The following NAALADL2 variants were observed in gnomAD, a reference collection of about 807,000 sequenced individuals.
NAALADL2 encodes the protein inactive N-acetylated-alpha-linked acidic dipeptidase-like protein 2.
NAALADL2 carries 76 observed loss-of-function variants against 87.2 expected under a neutral mutation model. That is an observed-to-expected ratio of 0.87 (90% CI 0.72 to 1.05). NAALADL2 has a LOEUF of 1.05. NAALADL2 is among the 50% of genes least tolerant of loss of function. NAALADL2 has a pLI of 0.00. For missense variants in NAALADL2, 1,089 were observed against 945.8 expected, an observed-to-expected ratio of 1.15 and a Z score of -1.99; for synonymous variants, 354 against 331.0, an observed-to-expected ratio of 1.07 and a Z score of -0.75.
rs1393610814 is a variant in NAALADL2 at position 175,151,506 on chromosome 3, AGTTTAATT to A, written c.545+54220_545+54227del. 2.0e-5 allele frequency among the ~76,000 whole-genome samples: 3 copies of A among 152,320 alleles called. No homozygotes were observed. In the East Asian group the frequency reaches 5.8e-4, roughly 29 times the overall value. On this transcript the variant is annotated intron_variant, in intron 2 of 13. Coordinates refer to ENST00000454872, the MANE Select transcript of NAALADL2 (RefSeq NM_207015.3). The stretch of plus-strand genomic sequence containing the variant: ...AATTGTCTTTTAATTCATAGCAAAT[AGTTTAATT>A]GTTTTCTAAAGGGTGAACTGTCATG...
At chr3:175,601,246 T>C (rs925244925) in intron 10 of NAALADL2, among the ~76,000 whole-genome samples, 4 of 152,192 alleles carry the variant, frequency 2.6e-5, no homozygotes, top group Non-Finnish European at 4.4e-5. Flanking sequence ...TTTAAACTAA[T>C]TAAAATGGAA....
At chr3:175,783,459 T>C (rs2150224283) in intron 13 of NAALADL2, among the ~76,000 whole-genome samples, 1 of 151,714 alleles carries the variant, frequency 6.6e-6, no homozygotes, top group South Asian at 2.1e-4. Flanking sequence ...TTTTATTCTC[T>C]TGGAAGCAAT....
At chr3:174,858,814 T>C (rs1726139065), upstream of NAALADL2, among the ~76,000 whole-genome samples, 1 of 151,952 alleles carries the variant, frequency 6.6e-6, no homozygotes, top group South Asian at 2.1e-4. Context: ...ATACTAGATA[T>C]TATTCTATTT....
rs1451329870 is a variant in NAALADL2, at chr3:174,918,934, A to G, written c.43+59484A>G. ...TGTTCAGATCGGGACCACTAGAATA[A>G]AGCAAATATTACAATAAAGCAAGTC... On this transcript the variant is annotated intron_variant, in intron 1 of 13. Coordinates refer to ENST00000454872, the MANE Select transcript of NAALADL2 (RefSeq NM_207015.3). Among the ~76,000 whole-genome samples the G allele has an allele frequency of 2.6e-5, 4 of 151,980 alleles. No homozygotes were observed. In the East Asian group the frequency reaches 7.7e-4, roughly 29 times the overall value.
At chr3:175,595,001 T>C (rs1055108689) in intron 10 of NAALADL2, among the ~76,000 whole-genome samples, 2 of 152,172 alleles carry the variant, frequency 1.3e-5, no homozygotes, top group Admixed American at 1.3e-4. Flanking sequence ...CTCTTTAGTT[T>C]AACTGGCTCC....
intron 2 of NAALADL2, among the ~76,000 whole-genome samples, chr3:174,639,549 C>T (rs1386187319): frequency 2.0e-5 from 3 of 152,114 alleles, no homozygotes; most frequent in Non-Finnish European, 4.4e-5. Context: ...TTCCTTTCCC[C>T]CTCCAGAAGT....
At chr3:175,082,541 C>T (rs552330181) in intron 1 of NAALADL2, among the ~76,000 whole-genome samples, 170 of 152,210 alleles carry the variant, frequency 1.1e-3, no homozygotes, top group Middle Eastern at 0.01. Context: ...GATTCCAATA[C>T]AGGAGGAAGG....
intron 3 of NAALADL2, among the ~76,000 whole-genome samples, chr3:175,254,662 T>C (rs1439949327): frequency 6.6e-6 from 1 of 152,322 alleles, no homozygotes; most frequent in East Asian, 1.9e-4. Flanking sequence ...GTAGGTAGCT[T>C]AGAAATCAAA....
chr3:175,201,189 C>T (rs1318608217), intron 2 of NAALADL2, among the ~76,000 whole-genome samples: 1 of 152,120 alleles, frequency 6.6e-6, no homozygotes, highest in African/African-American at 2.4e-5. Context: ...ATCTCTAGTG[C>T]CTAACCCTTT....
chr3:175,721,155 G>T (rs1742184337), intron 11 of NAALADL2, among the ~76,000 whole-genome samples: 1 of 152,032 alleles, frequency 6.6e-6, no homozygotes, highest in Non-Finnish European at 1.5e-5. Context: ...TGCAGATATT[G>T]ATTACCTCTA....
intron 2 of NAALADL2, among the ~76,000 whole-genome samples, chr3:174,678,565 T>C (rs1391673071): frequency 6.6e-6 from 1 of 152,162 alleles, no homozygotes; most frequent in African/African-American, 2.4e-5. Flanking sequence ...TGCCATTTGA[T>C]TTTTATTTAC....
At chr3:174,788,759 G>A (rs370570138) in intron 3 of NAALADL2, among the ~76,000 whole-genome samples, 6 of 152,066 alleles carry the variant, frequency 3.9e-5, no homozygotes, top group African/African-American at 1.4e-4. Flanking sequence ...TACATTTTCA[G>A]GTTCACCAAA....
In NAALADL2 at chr3:174,813,134, G is replaced by T. The variant is rs78325685; in HGVS notation, c.-9+75388G>T. Among the ~76,000 whole-genome samples the T allele has an allele frequency of 3.3e-5, 5 of 152,252 alleles. No individual in the cohort carries two copies. The East Asian group carries it at 9.7e-4, about 29-fold the overall frequency. ...TTCCAGTCCCGCAAGACCCATTCAT[G>T]TTATGTGTCCTATACAGGTGTACTG... On this transcript the variant is annotated intron_variant, in intron 3 of 3. Coordinates refer to the NAALADL2 transcript ENST00000434257.
At chr3:174,479,008 C>T (rs1387441724) in intron 1 of NAALADL2, among the ~76,000 whole-genome samples, 2 of 152,212 alleles carry the variant, frequency 1.3e-5, no homozygotes, top group African/African-American at 2.4e-5. Context: ...CATGCCCAGC[C>T]TCAAATTCTT....
At chr3:174,508,484 A>C (rs1262854642) in intron 1 of NAALADL2, among the ~76,000 whole-genome samples, 1 of 152,220 alleles carries the variant, frequency 6.6e-6, no homozygotes, top group Non-Finnish European at 1.5e-5. Context: ...ATAAAGTATA[A>C]GAAAAATATG....
intron 5 of NAALADL2, among the ~76,000 whole-genome samples, chr3:175,378,590 G>C (rs1039324564): frequency 2.0e-5 from 3 of 152,138 alleles, no homozygotes; most frequent in African/African-American, 7.2e-5. Context: ...AATTTCTGGA[G>C]TACTTTCTAT....
intron 5 of NAALADL2, among the ~76,000 whole-genome samples, chr3:175,418,517 G>A (rs1715074686): frequency 6.6e-6 from 1 of 152,078 alleles, no homozygotes; most frequent in South Asian, 2.1e-4. Context: ...TGAATAGGAA[G>A]TATAATTTTT....
intron 9 of NAALADL2, among the ~76,000 whole-genome samples, chr3:175,503,827 G>A (rs1582160096): frequency 6.6e-6 from 1 of 152,022 alleles, no homozygotes; most frequent in African/African-American, 2.4e-5. Flanking sequence ...TTCTGGATAT[G>A]AGACCTTTGT....
intron 2 of NAALADL2, among the ~76,000 whole-genome samples, chr3:174,713,119 C>T (rs546387980): frequency 1.3e-5 from 2 of 152,326 alleles, no homozygotes; most frequent in East Asian, 3.9e-4. Flanking sequence ...CATGTCCCTA[C>T]AAAGGACATA....
Sources: allele counts gnomAD v4.1 joint callset (sites outside exome capture counted in the v4.1 genomes callset), GRCh38; gene constraint gnomAD v4.1.1; transcripts MANE v1.5; gene names NCBI Gene and HGNC (gene_info 2026-07-23, HGNC 2026-07-21).